PREPL: variants seen among roughly 807,000 people sequenced by gnomAD.
PREPL encodes prolyl endopeptidase like, also known as prolyl endopeptidase-like.
A neutral mutation model predicts 70.6 loss-of-function variants in PREPL; 77 were observed. The ratio of observed to expected loss-of-function variants is 1.09; its 90% CI spans 0.91 to 1.32. PREPL has a LOEUF of 1.32. Among genes scored for constraint, PREPL ranks in the 40% most tolerant of loss-of-function variants. The probability of loss-of-function intolerance (pLI) is 0.00; values close to 1 mark genes in which losing one functional copy is unlikely to be tolerated. For missense variants in PREPL, 1,002 were observed against 778.2 expected (o/e 1.29, Z -3.42); for synonymous variants, 315 against 264.8 (o/e 1.19, Z -1.84).
intron 13 of PREPL, 156 bp from the exon 14 acceptor site, chr2:44,321,601 C>A: frequency 6.7e-7 from 1 of 1,482,564 alleles, no homozygotes; most frequent in South Asian, 1.4e-5. Flanking sequence ...AGGCTTCCAA[C>A]AATTAAGATT....
At chr2:44,330,775 G>T (rs912664498) in intron 8 of PREPL, among the ~76,000 whole-genome samples, 2 of 152,102 alleles carry the variant, frequency 1.3e-5, no homozygotes, top group East Asian at 3.9e-4. Flanking sequence ...CAAGGCTATA[G>T]TTTACATATT....
intron 1 of PREPL, among the ~76,000 whole-genome samples, chr2:44,348,064 T>C (rs915404720): frequency 6.6e-6 from 1 of 151,952 alleles, no homozygotes; most frequent in Non-Finnish European, 1.5e-5. Flanking sequence ...ATTTTCTGAA[T>C]TTTTTTTAAG....
chr2:44,328,623 A>T (rs1402478514), intron 9 of PREPL, among the ~76,000 whole-genome samples: 1 of 152,124 alleles, frequency 6.6e-6, no homozygotes, highest in African/African-American at 2.4e-5. Flanking sequence ...ATAAAATGGA[A>T]GTTAAATGGA....
At chr2:44,329,233 A>G (rs1673848566) in intron 8 of PREPL, 121 bp from the exon 9 acceptor site, 1 of 763,274 alleles carries the variant, frequency 1.3e-6, no homozygotes, top group Non-Finnish European at 2.0e-6. Flanking sequence ...GATGTTGAGC[A>G]CAAATTTGTT....
At position 44,332,447 on chromosome 2, in the gene PREPL, TA is replaced by T; in HGVS notation, c.1086+11del. On this transcript the variant is annotated intron_variant, in intron 8 of 13. Transcript: ENST00000409411. The stretch of plus-strand genomic sequence containing the variant: ...GTAAATGGGAGCTGAAAGTGAAGAT[TA>T]TAAGACCTACCTTGCTTTTGGCTTC... The T allele has an allele frequency of 1.9e-6, 3 of 1,604,250 alleles. No individual in the cohort carries two copies. Among genetic ancestry groups the T allele is most frequent in the Non-Finnish European group, 2.6e-6 (3 of 1,171,326 alleles).
rs556502032 is a variant in PREPL at position 44,349,725 on chromosome 2, G to A, written c.-48-3335C>T. On this transcript the variant is annotated intron_variant, in intron 1 of 13. Transcript: ENST00000409411. The stretch of plus-strand genomic sequence containing the variant: ...CACGCCTGTAATCTCGGCACTTCGG[G>A]AGGCCAAGGCGGGTGGATCACGAGG... 1.7e-3 allele frequency among the ~76,000 whole-genome samples: 263 copies of A among 152,288 alleles called. 3 individuals are homozygous for A. Among genetic ancestry groups the A allele is most frequent in the African/African-American group, 6.1e-3 (252 of 41,562 alleles).
intron 1 of PREPL, among the ~76,000 whole-genome samples, chr2:44,350,145 A>G (rs1032037128): frequency 6.6e-6 from 1 of 152,180 alleles, no homozygotes; most frequent in Non-Finnish European, 1.5e-5. Flanking sequence ...TGAGACAATT[A>G]AAAAAATCAA....
intron 5 of PREPL, among the ~76,000 whole-genome samples, chr2:44,340,339 T>C (rs183178553): frequency 6.6e-6 from 1 of 152,262 alleles, no homozygotes; most frequent in Admixed American, 6.5e-5. Flanking sequence ...TTTTTATGAC[T>C]TGATGAATAT....
chr2:44,342,864 T>C (rs115758033), intron 4 of PREPL, among the ~76,000 whole-genome samples: 1,778 of 152,280 alleles, frequency 0.012, 36 homozygotes, highest in African/African-American at 0.041. Flanking sequence ...TTTTAGGAGG[T>C]GAATTCCGTC....
At chr2:44,332,197 C>T (rs536791604) in intron 8 of PREPL, among the ~76,000 whole-genome samples, 11 of 152,188 alleles carry the variant, frequency 7.2e-5, no homozygotes, top group Admixed American at 4.6e-4. Flanking sequence ...CCACCCGCCT[C>T]GGCCTCCCAA....
intron 11 of PREPL, 139 bp from the exon 12 acceptor site, chr2:44,322,993 C>T (rs1301157844): frequency 2.5e-6 from 3 of 1,204,790 alleles, no homozygotes; most frequent in Non-Finnish European, 3.5e-6. Context: ...CTTGAGAGCG[C>T]CTCAGTATTA....
intron 1 of PREPL, among the ~76,000 whole-genome samples, chr2:44,358,507 G>C (rs1289753535): frequency 6.6e-6 from 1 of 152,174 alleles, no homozygotes; most frequent in East Asian, 1.9e-4. Context: ...AGGTAGGAGA[G>C]GGATGTCAAA....
At chr2:44,342,625 A>T in intron 4 of PREPL, 73 bp from the exon 5 acceptor site, 2 of 1,214,206 alleles carry the variant, frequency 1.6e-6, no homozygotes, top group Non-Finnish European at 1.2e-6. Context: ...AGCACAGCAC[A>T]TTCTAATTTT....
intron 1 of PREPL, among the ~76,000 whole-genome samples, chr2:44,357,966 AAAACAT>A (rs1467708584): frequency 2.0e-5 from 3 of 152,218 alleles, no homozygotes; most frequent in African/African-American, 7.2e-5. Context: ...TTCAAAGACT[AAAACAT>A]AAACAGTAAA....
intron 1 of PREPL, among the ~76,000 whole-genome samples, chr2:44,350,668 T>A (rs1676319974): frequency 6.6e-6 from 1 of 152,200 alleles, no homozygotes; most frequent in African/African-American, 2.4e-5. Context: ...CCTTTCATCT[T>A]CTGCCTCCAA....
intron 1 of PREPL, among the ~76,000 whole-genome samples, chr2:44,354,678 GA>G (rs1421351986): frequency 6.6e-6 from 1 of 151,996 alleles, no homozygotes; most frequent in African/African-American, 2.4e-5. Flanking sequence ...GGGTTCAAGT[GA>G]TTCTCCTTCC....
At position 44,359,475 on chromosome 2, in the gene PREPL, G is replaced by C. The variant is rs201380710; in HGVS notation, c.-49+1905C>G. On this transcript the variant is annotated intron_variant, in intron 1 of 13. Coordinates refer to ENST00000409411, the MANE Select transcript of PREPL (RefSeq NM_001171613.2). ...AATTAATCTTAATGACCTACAAATA[G>C]GTTAACTTAAACAGTCCATACCTTA... 19 of 1,514,224 alleles carry C rather than the reference G, an allele frequency of 1.3e-5. 1 individual carries two copies. In the East Asian group the frequency reaches 4.1e-4, roughly 33 times the overall value. 93.8% of individuals were successfully genotyped at this position (1,514,224 alleles called of 1,614,324 possible).
rs887780400 is a variant in PREPL at position 44,344,628 on chromosome 2, T to C, written c.76-42A>G. 1.9e-5 allele frequency: 28 copies of C among 1,438,920 alleles called. No individual in the cohort carries two copies. In the Middle Eastern group the frequency reaches 5.3e-4, roughly 27 times the overall value. 89.1% of individuals were successfully genotyped at this position (1,438,920 alleles called of 1,614,324 possible). On this transcript the variant is annotated intron_variant, in intron 2 of 13. Transcript: ENST00000409411. ...GCAGTTTACTTAATAATAATTTAAT[T>C]AACCTTTTCATAGTCTGACTATTCA... is the stretch of plus-strand genomic sequence containing the variant.
intron 2 of PREPL, 23 bp from the exon 3 acceptor site, chr2:44,344,609 T>A: frequency 6.6e-7 from 1 of 1,526,190 alleles, no homozygotes; most frequent in Non-Finnish European, 8.9e-7. Flanking sequence ...ACATGCAGTT[T>A]ACTTAATAAT....
Sources: allele counts gnomAD v4.1 joint callset (sites outside exome capture counted in the v4.1 genomes callset), GRCh38; gene constraint gnomAD v4.1.1; transcripts MANE v1.5; gene names NCBI Gene and HGNC (gene_info 2026-07-23, HGNC 2026-07-21).